Variants in ZBTB25 observed in about 807,000 individuals in gnomAD.
The protein encoded by ZBTB25 is zinc finger and BTB domain containing 25, also known as zinc finger and BTB domain-containing protein 25.
Under a neutral mutation model 34.2 loss-of-function variants are expected in ZBTB25, and 20 were observed. The ratio of observed to expected loss-of-function variants is 0.58; its 90% CI spans 0.41 to 0.85. The LOEUF (loss-of-function observed/expected upper bound fraction) is 0.85, where lower values mean the gene tolerates loss of function less well. Ranked by LOEUF, ZBTB25 falls within the 40% of genes least tolerant of loss-of-function variation. The pLI is 0.00. For synonymous variants in ZBTB25, 175 were observed against 186.4 expected (o/e 0.94, Z 0.50); for missense variants, 437 against 521.8 (o/e 0.84, Z 1.58).
intron 2 of ZBTB25, chr14:64,454,572 A>G: frequency 1.5e-6 from 1 of 671,952 alleles, no homozygotes; most frequent in Non-Finnish European, 2.5e-6. Flanking sequence ...GGCTTAATAA[A>G]TAAGCTGGAG....
intron 1 of ZBTB25, among the ~76,000 whole-genome samples, chr14:64,499,965 C>T (rs879822739): frequency 1.3e-5 from 2 of 152,198 alleles, no homozygotes; most frequent in Non-Finnish European, 2.9e-5. Flanking sequence ...AACCTCCAAG[C>T]ACCTCTAATT....
chr14:64,505,054 C>G, upstream of ZBTB25: 1 of 372,566 alleles, frequency 2.7e-6, no homozygotes, highest in East Asian at 3.9e-5. Context: ...CCGATCCGTG[C>G]GGGGAGCCGG....
intron 1 of ZBTB25, among the ~76,000 whole-genome samples, chr14:64,494,330 G>A (rs1435072371): frequency 1.3e-5 from 2 of 152,182 alleles, no homozygotes; most frequent in African/African-American, 4.8e-5. Flanking sequence ...GACTGCAGGG[G>A]ATATTAGAAA....
At chr14:64,490,296 T>A (rs970221489) in intron 2 of ZBTB25, 65 bp downstream of exon 2, 1 of 1,173,322 alleles carries the variant, frequency 8.5e-7, no homozygotes, top group South Asian at 2.6e-5. Flanking sequence ...TCCAAAATGA[T>A]ACTATAATAA....
At chr14:64,504,634 T>G (rs2079607763), upstream of ZBTB25, 1 of 305,304 alleles carries the variant, frequency 3.3e-6, no homozygotes, top group Non-Finnish European at 5.9e-6. Flanking sequence ...AGCGGCAGAG[T>G]GGGTGGGCGG....
At chr14:64,504,261 CG>C (rs200908965), upstream of ZBTB25, among the ~76,000 whole-genome samples, 3,172 of 101,248 alleles carry the variant, frequency 0.031, 34 homozygotes, top group Middle Eastern at 0.06. Context: ...AAGGTGGGGT[CG>C]GGGGGGCGCG....
intron 2 of ZBTB25, chr14:64,462,968 A>T (rs1286917777): frequency 6.6e-6 from 1 of 152,226 alleles, no homozygotes; most frequent in African/African-American, 2.4e-5. Flanking sequence ...TAAGATCAGT[A>T]GAGTATTGCT....
Position 64,490,506 on chromosome 14 carries a change from G to A in ZBTB25, c.28C>T (p.Leu10Phe), listed in dbSNP as rs140662536. The A allele has an allele frequency of 9.7e-4, 1,561 of 1,613,326 alleles. 2 individuals carry two copies. The highest frequency in any genetic ancestry group is 1.3e-3 in the Non-Finnish European group (1,488 of 1,179,534). Residue 10 changes from leucine (L) to phenylalanine (F), a missense_variant, in exon 2 of 3, where the codon CTT becomes TTT. Physicochemically the swap from Leu to Phe is conservative, Grantham distance 22 (BLOSUM62 0). Transcript: ENST00000608382. MDTASHSLVLLQQLNMQREF... is the reference protein window; with the variant it reads MDTASHSLVFLQQLNMQREF... ...CGCTGCATGTTCAGCTGCTGGAGAA[G>A]AACAAGGCTATGGCTGGCAGTGTCC...
chr14:64,453,706 C>T (rs1208648785), intron 2 of ZBTB25: 2 of 1,145,228 alleles, frequency 1.7e-6, no homozygotes, highest in African/African-American at 1.5e-5. Context: ...GTTAAATGTC[C>T]TCACATGTGT....
At chr14:64,453,761 T>C (rs1192746425) in intron 2 of ZBTB25, 1 of 1,603,922 alleles carries the variant, frequency 6.2e-7, no homozygotes, top group Non-Finnish European at 8.5e-7. Flanking sequence ...TAGCTCCCAG[T>C]TGAGGATAAA....
rs997488491 is a variant in ZBTB25 at position 64,478,746 on chromosome 14, A to G, written c.*8177T>C. 8 of 152,262 alleles carry G rather than the reference A, an allele frequency of 5.3e-5. No individual in the cohort carries two copies. Among genetic ancestry groups the G allele is most frequent in the African/African-American group, 1.9e-4 (8 of 41,468 alleles). 9.4% of individuals were successfully genotyped at this position (152,262 alleles called of 1,614,324 possible). ...CTTATGAAATTTTAAGAAAATTCTCATTAGTCTTGACTCTATAAAGCATGA... is the reference window on the plus strand; with the variant it reads ...CTTATGAAATTTTAAGAAAATTCTCGTTAGTCTTGACTCTATAAAGCATGA... On this transcript the variant is annotated 3_prime_UTR_variant, in exon 3 of 3. Transcript: ENST00000608382.
chr14:64,450,381 G>A (rs1472616690), intron 2 of ZBTB25, among the ~76,000 whole-genome samples: 1 of 152,166 alleles, frequency 6.6e-6, no homozygotes, highest in Non-Finnish European at 1.5e-5. Flanking sequence ...TCACTTCCTG[G>A]TAAGGTGCTG....
At chr14:64,456,754 A>G (rs1347628707) in intron 2 of ZBTB25, among the ~76,000 whole-genome samples, 2 of 152,236 alleles carry the variant, frequency 1.3e-5, no homozygotes, top group African/African-American at 4.8e-5. Context: ...TCAGATCCCT[A>G]TAATGTGTTT....
intron 2 of ZBTB25, among the ~76,000 whole-genome samples, chr14:64,456,501 T>C (rs1011917949): frequency 2.6e-5 from 4 of 152,194 alleles, no homozygotes; most frequent in African/African-American, 9.7e-5. Flanking sequence ...GGAGGGAAAA[T>C]CCTCTTGGGG....
intron 2 of ZBTB25, chr14:64,468,783 T>C (rs1186588753): frequency 3.7e-6 from 6 of 1,614,166 alleles, no homozygotes; most frequent in Non-Finnish European, 5.1e-6. Flanking sequence ...ATTCCCTGCA[T>C]AAAATTCCCA....
At chr14:64,500,044 A>C (rs955908031) in intron 1 of ZBTB25, among the ~76,000 whole-genome samples, 2 of 152,232 alleles carry the variant, frequency 1.3e-5, no homozygotes, top group African/African-American at 4.8e-5. Context: ...TAACAACAGT[A>C]AGCACAAATT....
chr14:64,454,528 C>T (rs920400108), intron 2 of ZBTB25, among the ~76,000 whole-genome samples: 2 of 151,396 alleles, frequency 1.3e-5, no homozygotes, highest in Admixed American at 6.6e-5. Context: ...GAGTACCTAA[C>T]TCCCTCACCC....
intron 2 of ZBTB25, among the ~76,000 whole-genome samples, chr14:64,465,062 G>C (rs1385474984): frequency 2.6e-5 from 4 of 152,196 alleles, no homozygotes; most frequent in Non-Finnish European, 4.4e-5. Flanking sequence ...TCTATGCACA[G>C]TTTTGAATCC....
At chr14:64,468,406 A>C in intron 2 of ZBTB25, 1 of 1,601,628 alleles carries the variant, frequency 6.2e-7, no homozygotes, top group Non-Finnish European at 8.5e-7. Context: ...TGGAAACCAC[A>C]ATTTCAGAAA....
Sources: gnomAD v4.1 joint callset for allele counts (sites outside exome capture counted in the v4.1 genomes callset) on GRCh38, gnomAD v4.1.1 for gene constraint, MANE v1.5 for transcripts, NCBI Gene and HGNC (gene_info 2026-07-23, HGNC 2026-07-21) for gene names.